The following SAPCD2 variants were observed in gnomAD, a reference collection of about 807,000 sequenced individuals.
SAPCD2 encodes suppressor APC domain-containing protein 2.
Under a neutral mutation model 37.8 loss-of-function variants are expected in SAPCD2, and 34 were observed. That is an observed-to-expected ratio of 0.90 (90% CI 0.68 to 1.20). The LOEUF (loss-of-function observed/expected upper bound fraction) is 1.20, where lower values mean the gene tolerates loss of function less well. Ranked by LOEUF, SAPCD2 falls within the 50% of genes most tolerant of loss-of-function variation. The probability of loss-of-function intolerance (pLI) is 0.00; values close to 1 mark genes in which losing one functional copy is unlikely to be tolerated. For missense variants in SAPCD2, 572 were observed against 584.7 expected, an observed-to-expected ratio of 0.98 and a Z score of 0.22; for synonymous variants, 275 against 270.3, an observed-to-expected ratio of 1.02 and a Z score of -0.17.
Position 137,070,529 on chromosome 9 carries a change from C to A in SAPCD2, c.-69G>T. ...GCGCGGCCCCACGGAGGGGCCGGCC[C>A]GGCGAGCTCAGCCCACGGCGACAAT... is the stretch of plus-strand genomic sequence containing the variant. On this transcript the variant is annotated 5_prime_UTR_variant, in exon 1 of 6. Coordinates refer to ENST00000409687, the MANE Select transcript of SAPCD2 (RefSeq NM_178448.4). The A allele has an allele frequency of 3.9e-6, 4 of 1,031,024 alleles. No individual in the cohort carries two copies. Among genetic ancestry groups the A allele is most frequent in the Non-Finnish European group, 4.9e-6 (4 of 814,424 alleles). 63.9% of individuals were successfully genotyped at this position (1,031,024 alleles called of 1,614,324 possible). A position where few individuals can be genotyped will look rare whatever the true frequency, so the allele number is the denominator to read the frequency against.
Position 137,067,542 on chromosome 9 carries a change from CG to C in SAPCD2, c.572-1169del, listed in dbSNP as rs1325181401. Among the ~76,000 whole-genome samples the C allele has an allele frequency of 4.0e-5, 6 of 149,002 alleles. No homozygotes were observed. In the East Asian group the frequency reaches 6.1e-4, roughly 15 times the overall value. On this transcript the variant is annotated intron_variant, in intron 1 of 5. Coordinates refer to ENST00000409687, the MANE Select transcript of SAPCD2 (RefSeq NM_178448.4). ...ATCCCAGCACTTTGGGAAGCTGGGGCGGGGGGGGATCAGTTGAGGTCAGGAG... is the reference window on the plus strand; with the variant it reads ...ATCCCAGCACTTTGGGAAGCTGGGGCGGGGGGGATCAGTTGAGGTCAGGAG...
chr9:137,064,079 G>A lies in SAPCD2; in HGVS notation c.*580C>T, dbSNP rs1832504683. ...AGCCAGGGTCCCTCAGCCTTGGCCA[G>A]AACCTGAAGTCCGACCGCTATCCCT... On this transcript the variant is annotated 3_prime_UTR_variant, in exon 6 of 6. Transcript: ENST00000409687. 1 of 169,988 alleles carries A rather than the reference G, an allele frequency of 5.9e-6. No homozygotes were observed. The highest frequency in any genetic ancestry group is 2.4e-5 in the African/African-American group (1 of 41,530). 10.5% of individuals were successfully genotyped at this position (169,988 alleles called of 1,614,324 possible). A position where few individuals can be genotyped will look rare whatever the true frequency, so the allele number is the denominator to read the frequency against.
chr9:137,067,871 A>T lies in SAPCD2; in HGVS notation c.572-1497T>A, dbSNP rs2131530979. ...GTCAGGCACGTCCTGGTGCTCACAGACCCCTGCTCTGAAGTTTGTTTGAGG... is the reference window on the plus strand; with the variant it reads ...GTCAGGCACGTCCTGGTGCTCACAGTCCCCTGCTCTGAAGTTTGTTTGAGG... On this transcript the variant is annotated intron_variant, in intron 1 of 5. Coordinates refer to ENST00000409687, the MANE Select transcript of SAPCD2 (RefSeq NM_178448.4). 2.0e-5 allele frequency among the ~76,000 whole-genome samples: 3 copies of T among 149,766 alleles called. No homozygotes were observed. In the Middle Eastern group the frequency reaches 0.011, roughly 527 times the overall value.
chr9:137,067,058 G>A (rs1832555592), intron 1 of SAPCD2, among the ~76,000 whole-genome samples: 2 of 152,106 alleles, frequency 1.3e-5, no homozygotes, highest in African/African-American at 2.4e-5. Context: ...TATGATCTTG[G>A]CTCACTGCAA....
rs866682987 is a variant in SAPCD2, at chr9:137,070,275, C to T, written c.186G>A (p.Arg62=). The T allele has an allele frequency of 1.1e-5, 16 of 1,457,520 alleles. No homozygotes were observed. The highest frequency in any genetic ancestry group is 2.5e-4 in the Middle Eastern group (1 of 4,016). 90.3% of individuals were successfully genotyped at this position (1,457,520 alleles called of 1,614,324 possible). A position where few individuals can be genotyped will look rare whatever the true frequency, so the allele number is the denominator to read the frequency against. ...IESRWQGTDA[R]ELPRGVLEGL... is the part of the protein sequence containing the mutation. ...CCTCCAGCACCCCGCGGGGCAGCTC[C>T]CGCGCGTCGGTGCCCTGCCAGCGGG... Residue 62 remains arginine (R), a synonymous_variant, in exon 1 of 6, where the codon CGG becomes CGA. Transcript: ENST00000409687.
In SAPCD2 at chr9:137,066,192, C is replaced by T; in HGVS notation, c.684+70G>A. 6 of 1,249,418 alleles carry T rather than the reference C, an allele frequency of 4.8e-6. No homozygotes were observed. The Admixed American group carries it at 5.9e-5, about 12-fold the overall frequency. 77.4% of individuals were successfully genotyped at this position (1,249,418 alleles called of 1,614,324 possible). On this transcript the variant is annotated intron_variant, in intron 2 of 5. Transcript: ENST00000409687. ...TGGACTCCCCCAGGCTCAAGGCCCC[C>T]CTGCTCCCATCCCGGCCTCCAGCCT...
In SAPCD2 at chr9:137,063,433, C is replaced by T. The variant is rs907736751; in HGVS notation, c.*1226G>A. 5.3e-5 allele frequency: 8 copies of T among 152,220 alleles called. No homozygotes were observed. The highest frequency in any genetic ancestry group is 1.3e-4 in the Admixed American group (2 of 15,304). The allele number at this position is 152,220 out of a possible 1,614,324, so 9.4% of individuals were successfully genotyped here. On this transcript the variant is annotated 3_prime_UTR_variant, in exon 6 of 6. Transcript: ENST00000409687. ...ACAGTGTACCAAAGTGCCCTGGACACGAGGGGGCCCTGCGCCCCCCACGCA... is the reference window on the plus strand; with the variant it reads ...ACAGTGTACCAAAGTGCCCTGGACATGAGGGGGCCCTGCGCCCCCCACGCA...
In SAPCD2 at chr9:137,064,582, G is replaced by T. The variant is rs1266708196; in HGVS notation, c.*77C>A. On this transcript the variant is annotated 3_prime_UTR_variant, in exon 6 of 6. Transcript: ENST00000409687. Reference sequence around the variant, plus strand: ...CTGCCGGGGGTCTCCAGCCAGAGAGGGTGGGTGCGATGGGGCGCCCACCCT... The same window carrying T: ...CTGCCGGGGGTCTCCAGCCAGAGAGTGTGGGTGCGATGGGGCGCCCACCCT... The T allele has an allele frequency of 1.3e-5, 19 of 1,507,042 alleles. No homozygotes were observed. The highest frequency in any genetic ancestry group is 1.6e-5 in the Non-Finnish European group (18 of 1,110,760). 93.4% of individuals were successfully genotyped at this position (1,507,042 alleles called of 1,614,324 possible).
Position 137,070,392 on chromosome 9 carries a change from C to A in SAPCD2, c.69G>T (p.Gly23=). The A allele has an allele frequency of 7.3e-7, 1 of 1,374,108 alleles. No homozygotes were observed. The allele number at this position is 1,374,108 out of a possible 1,614,324, so 85.1% of individuals were successfully genotyped here. Residue 23 remains glycine (G), a synonymous_variant, in exon 1 of 6, where the codon GGG becomes GGT. Transcript: ENST00000409687. Reference sequence around the variant, plus strand: ...GGCTCTGCAGGAAGGCGCGCGGCAGCCCCTCCGTGCTGGGCGCGGGTGCGG... The same window carrying A: ...GGCTCTGCAGGAAGGCGCGCGGCAGACCCTCCGTGCTGGGCGCGGGTGCGG... ...PPPAPAPSTE[G]LPRAFLQSLR...
At position 137,070,287 on chromosome 9, in the gene SAPCD2, GC is replaced by G; in HGVS notation, c.173del (p.Gly58AlafsTer25). ...CGCGGGGCAGCTCCCGCGCGTCGGT[GC>G]CCTGCCAGCGGGACTCGATCTCGCG... ...HLREIESRWQ[G>X]TDARELPRGV... is the part of the protein sequence containing the mutation. On this transcript the variant is annotated frameshift_variant, in exon 1 of 6. Transcript: ENST00000409687. LOFTEE classifies it high-confidence loss of function. 6.8e-7 allele frequency: 1 copy of G among 1,467,206 alleles called. No individual in the cohort carries two copies. The highest frequency in any genetic ancestry group is 9.0e-7 in the Non-Finnish European group (1 of 1,111,944). 90.9% of individuals were successfully genotyped at this position (1,467,206 alleles called of 1,614,324 possible).
rs1393360604 is a variant in SAPCD2, at chr9:137,070,434, C to G, written c.27G>C (p.Arg9=). 7.9e-7 allele frequency: 1 copy of G among 1,265,350 alleles called. No individual in the cohort carries two copies. Among genetic ancestry groups the G allele is most frequent in the Non-Finnish European group, 9.9e-7 (1 of 1,007,474 alleles). The allele number at this position is 1,265,350 out of a possible 1,614,324, so 78.4% of individuals were successfully genotyped here. MAGAAMAE[R]GRVPPPAPAP... Reference sequence around the variant, plus strand: ...CGGGTGCGGGGGGAGGCACGCGGCCCCGCTCGGCCATGGCGGCCCCGGCCA... The same window carrying G: ...CGGGTGCGGGGGGAGGCACGCGGCCGCGCTCGGCCATGGCGGCCCCGGCCA... Residue 9 remains arginine (R), a synonymous_variant, in exon 1 of 6, where the codon CGG becomes CGC. Coordinates refer to ENST00000409687, the MANE Select transcript of SAPCD2 (RefSeq NM_178448.4).
Position 137,065,553 on chromosome 9 carries a change from T to C in SAPCD2, c.800A>G (p.Gln267Arg). 6.2e-7 allele frequency: 1 copy of C among 1,607,196 alleles called. No homozygotes were observed. Among genetic ancestry groups the C allele is most frequent in the Non-Finnish European group, 8.5e-7 (1 of 1,176,318 alleles). ...GGCTCTGCTCTGGCCCAGGCGGCGC[T>C]GGCGCTCCTGCACTCGTTGCAGCTG... The part of the protein sequence containing the change: ...QQQLQRVQER[Q>R]RRLGQSRASA... The change falls in exon 3 of 6, where the codon CAG (glutamine) becomes CGG (arginine). Residue 267 changes from glutamine to arginine, a missense_variant. Physicochemically the swap from Gln to Arg is conservative, Grantham distance 43. Coordinates refer to ENST00000409687, the MANE Select transcript of SAPCD2 (RefSeq NM_178448.4).
At position 137,064,269 on chromosome 9, in the gene SAPCD2, T is replaced by G; in HGVS notation, c.*390A>C. 3.9e-6 allele frequency: 1 copy of G among 256,648 alleles called. No individual in the cohort carries two copies. The highest frequency in any genetic ancestry group is 7.7e-6 in the Non-Finnish European group (1 of 129,620). 15.9% of individuals were successfully genotyped at this position (256,648 alleles called of 1,614,324 possible). Reference sequence around the variant, plus strand: ...CCGCCCCGCGCCCTCTGCTGCCCGTTGTTGGAAGTGCAGCCTGGCGTGGGC... The same window carrying G: ...CCGCCCCGCGCCCTCTGCTGCCCGTGGTTGGAAGTGCAGCCTGGCGTGGGC... On this transcript the variant is annotated 3_prime_UTR_variant, in exon 6 of 6. Coordinates refer to ENST00000409687, the MANE Select transcript of SAPCD2 (RefSeq NM_178448.4).
rs1037732660 is a variant in SAPCD2, at chr9:137,062,937, C to T, written c.*1722G>A. 5 of 152,230 alleles carry T rather than the reference C, an allele frequency of 3.3e-5. No individual in the cohort carries two copies. Among genetic ancestry groups the T allele is most frequent in the African/African-American group, 9.7e-5 (4 of 41,448 alleles). 9.4% of individuals were successfully genotyped at this position (152,230 alleles called of 1,614,324 possible). On this transcript the variant is annotated 3_prime_UTR_variant, in exon 6 of 6. Transcript: ENST00000409687. Reference sequence around the variant, plus strand: ...GGGCGGTCTCCTGATGAAGTCACCCCGGGACAGACACTGTTCTGTCTCCTG... The same window carrying T: ...GGGCGGTCTCCTGATGAAGTCACCCTGGGACAGACACTGTTCTGTCTCCTG...
Position 137,064,524 on chromosome 9 carries a change from A to T in SAPCD2, c.*135T>A. 9.8e-7 allele frequency: 1 copy of T among 1,019,796 alleles called. No individual in the cohort carries two copies. Among genetic ancestry groups the T allele is most frequent in the Non-Finnish European group, 1.4e-6 (1 of 703,892 alleles). The allele number at this position is 1,019,796 out of a possible 1,614,324, so 63.2% of individuals were successfully genotyped here. ...GGGGAGCCCATCTGGCAAGGGCGGC[A>T]GGAAGGCGCCCACTCCGGGACTGTG... On this transcript the variant is annotated 3_prime_UTR_variant, in exon 6 of 6. Transcript: ENST00000409687.
intron 1 of SAPCD2, among the ~76,000 whole-genome samples, chr9:137,068,027 C>A (rs1276222857): frequency 1.3e-5 from 2 of 152,166 alleles, no homozygotes; most frequent in Non-Finnish European, 2.9e-5. Context: ...CTCCTTCGGC[C>A]TCCAGCTGTA....
In SAPCD2 at chr9:137,065,525, G is replaced by A. The variant is rs140711581; in HGVS notation, c.828C>T (p.Ser276=). 3.8e-5 allele frequency: 61 copies of A among 1,597,934 alleles called. No homozygotes were observed. The East Asian group carries it at 6.3e-4, about 17-fold the overall frequency. ...GGGACAGGGCTGTGGCACTCACGGC[G>A]CTGGCTCTGCTCTGGCCCAGGCGGC... ...RQRRLGQSRA[S]ADFGAAGSPR... Residue 276 remains serine (S), a synonymous_variant, in exon 3 of 6, where the codon AGC becomes AGT. Coordinates refer to ENST00000409687, the MANE Select transcript of SAPCD2 (RefSeq NM_178448.4).
chr9:137,068,777 G>T (rs117086535), intron 1 of SAPCD2, among the ~76,000 whole-genome samples: 1 of 152,216 alleles, frequency 6.6e-6, no homozygotes, highest in Admixed American at 6.5e-5. Context: ...CCCCAGGCCC[G>T]GCCACAGCGT....
chr9:137,070,172 T>A lies in SAPCD2; in HGVS notation c.289A>T (p.Ser97Cys). ...GGGTCCCGGGGGCCGCCGTCGGCGC[T>A]CAGCAGGGAGGTGCGCAGGCCGGCC... ...FVAGLRTSLL[S>C]ADGGPRDPTR... Residue 97 changes from serine to cysteine, a missense_variant, in exon 1 of 6, where the codon AGC (serine) becomes TGC (cysteine). Transcript: ENST00000409687. 3 of 1,252,866 alleles carry A rather than the reference T, an allele frequency of 2.4e-6. No homozygotes were observed. The highest frequency in any genetic ancestry group is 3.0e-6 in the Non-Finnish European group (3 of 997,828). 77.6% of individuals were successfully genotyped at this position (1,252,866 alleles called of 1,614,324 possible).
Sources: allele counts gnomAD v4.1 joint callset (sites outside exome capture counted in the v4.1 genomes callset), GRCh38; gene constraint gnomAD v4.1.1; transcripts MANE v1.5; gene names NCBI Gene and HGNC (gene_info 2026-07-23, HGNC 2026-07-21).